Variants in CDH13 observed in about 807,000 individuals in gnomAD.
CDH13 encodes cadherin 13.
In CDH13, 24 loss-of-function variants were observed where a neutral mutation model predicts 63.8. That is an observed-to-expected ratio of 0.38 (90% CI 0.27 to 0.53). The LOEUF (loss-of-function observed/expected upper bound fraction) is 0.53, where lower values mean the gene tolerates loss of function less well. Among genes scored for constraint, CDH13 ranks in the 20% least tolerant of loss-of-function variants. The probability of loss-of-function intolerance (pLI) is 0.85; values close to 1 mark genes in which losing one functional copy is unlikely to be tolerated. For missense variants in CDH13, 1,049 were observed against 903.1 expected, an observed-to-expected ratio of 1.16 and a Z score of -2.07; for synonymous variants, 503 against 355.3, an observed-to-expected ratio of 1.42 and a Z score of -4.67.
intron 13 of CDH13, among the ~76,000 whole-genome samples, chr16:83,791,353 G>A (rs987666484): frequency 2.6e-5 from 4 of 151,832 alleles, no homozygotes; most frequent in African/African-American, 9.7e-5. Context: ...AAAATTACCT[G>A]GGCACGGTGG....
rs184936323 is a variant in CDH13, at chr16:83,608,697, G to A, written c.1101+6103G>A. Among the ~76,000 whole-genome samples the A allele has an allele frequency of 1.8e-3, 259 of 147,698 alleles. 1 individual carries two copies. Among genetic ancestry groups the A allele is most frequent in the Admixed American group, 2.8e-3 (42 of 14,768 alleles). ...TTTTTTTTGGTATTTTTGTAGAGGC[G>A]AGGTTCTGCCATGTTCCTCGGGCTG... is the stretch of plus-strand genomic sequence containing the variant. On this transcript the variant is annotated intron_variant, in intron 8 of 13. Transcript: ENST00000567109.
intron 7 of CDH13, among the ~76,000 whole-genome samples, chr16:83,493,579 T>G (rs2074069391): frequency 6.6e-6 from 1 of 151,556 alleles, no homozygotes; most frequent in Admixed American, 6.6e-5. Context: ...GGGAAAGGAG[T>G]GGCATGGACA....
At chr16:82,636,231 T>G (rs888213446) in intron 1 of CDH13, among the ~76,000 whole-genome samples, 84 of 150,832 alleles carry the variant, frequency 5.6e-4, no homozygotes, top group African/African-American at 2.0e-3. Context: ...GCAGGAAGAG[T>G]CAAACAAGGA....
At chr16:82,994,728 G>A (rs2057261549) in intron 2 of CDH13, among the ~76,000 whole-genome samples, 1 of 152,124 alleles carries the variant, frequency 6.6e-6, no homozygotes, top group South Asian at 2.1e-4. Context: ...TAGTATTCAA[G>A]CCCCAAACAA....
chr16:83,604,737 T>C (rs1908168664), intron 8 of CDH13, among the ~76,000 whole-genome samples: 1 of 152,204 alleles, frequency 6.6e-6, no homozygotes, highest in African/African-American at 2.4e-5. Flanking sequence ...CACATTGTAA[T>C]ATTCAATATA....
chr16:82,980,132 G>A (rs982381035), intron 2 of CDH13, among the ~76,000 whole-genome samples: 2 of 152,176 alleles, frequency 1.3e-5, no homozygotes, highest in African/African-American at 2.4e-5. Flanking sequence ...GGAGAGGAGG[G>A]AGCCCTCTCT....
At chr16:82,789,866 C>G (rs1308506918) in intron 1 of CDH13, among the ~76,000 whole-genome samples, 1 of 152,144 alleles carries the variant, frequency 6.6e-6, no homozygotes, top group African/African-American at 2.4e-5. Context: ...CATCTCCTCA[C>G]TGGACAGGCA....
intron 7 of CDH13, among the ~76,000 whole-genome samples, chr16:83,530,946 T>C (rs776806114): frequency 2.6e-5 from 4 of 152,198 alleles, no homozygotes; most frequent in Non-Finnish European, 4.4e-5. Flanking sequence ...TGTTTTAGCT[T>C]TGTGACTTTC....
chr16:83,236,237 GCACACACA>G (rs3049880), intron 5 of CDH13, among the ~76,000 whole-genome samples: 2 of 149,006 alleles, frequency 1.3e-5, no homozygotes, highest in Middle Eastern at 3.5e-3. Context: ...ACACGCACAT[GCACACACA>G]CACACACACA....
chr16:83,442,575 T>C (rs2072510674), intron 6 of CDH13, among the ~76,000 whole-genome samples: 1 of 152,150 alleles, frequency 6.6e-6, no homozygotes, highest in South Asian at 2.1e-4. Flanking sequence ...TTTTTCTTTA[T>C]AGATTTATAG....
At chr16:82,799,765 T>C (rs1401291861) in intron 1 of CDH13, among the ~76,000 whole-genome samples, 1 of 152,170 alleles carries the variant, frequency 6.6e-6, no homozygotes, top group Non-Finnish European at 1.5e-5. Context: ...GTGCCAACAA[T>C]GTGGCTATGG....
At chr16:83,330,422 C>T (rs76039044) in intron 5 of CDH13, among the ~76,000 whole-genome samples, 2,047 of 152,242 alleles carry the variant, frequency 0.013, 18 homozygotes, top group Middle Eastern at 0.034. Context: ...GAAAGGTTGC[C>T]CTTGAGGTTA....
chr16:83,214,676 G>T (rs1302325775), intron 4 of CDH13, among the ~76,000 whole-genome samples: 1 of 148,504 alleles, frequency 6.7e-6, no homozygotes, highest in Non-Finnish European at 1.5e-5. Context: ...TAATTTTATT[G>T]TGATGATTAA....
At chr16:82,852,660 A>G (rs1485219332) in intron 1 of CDH13, among the ~76,000 whole-genome samples, 1 of 152,194 alleles carries the variant, frequency 6.6e-6, no homozygotes, top group African/African-American at 2.4e-5. Flanking sequence ...GGTATTTGCA[A>G]AATCTAAAGC....
At chr16:83,568,069 C>T (rs946401661) in intron 7 of CDH13, among the ~76,000 whole-genome samples, 6 of 152,220 alleles carry the variant, frequency 3.9e-5, no homozygotes, top group East Asian at 3.9e-4. Context: ...ACCAACTGTC[C>T]GGTTAGCAGA....
At chr16:83,560,908 C>G (rs1044472656) in intron 7 of CDH13, among the ~76,000 whole-genome samples, 48 of 151,962 alleles carry the variant, frequency 3.2e-4, no homozygotes, top group African/African-American at 1.1e-3. Context: ...GGCCCCCCCC[C>G]CGCCCCAGGG....
At chr16:83,734,198 A>C (rs1351633995) in intron 10 of CDH13, among the ~76,000 whole-genome samples, 3 of 152,198 alleles carry the variant, frequency 2.0e-5, no homozygotes, top group African/African-American at 7.2e-5. Context: ...GTGTGACTCA[A>C]AACTGAAAAA....
chr16:83,533,215 G>A (rs116203656), intron 7 of CDH13, among the ~76,000 whole-genome samples: 1,647 of 152,252 alleles, frequency 0.011, 33 homozygotes, highest in African/African-American at 0.038. Flanking sequence ...GGTAAACATA[G>A]GTAAACTTCC....
rs1338548063 is a variant in CDH13, at chr16:82,963,888, A to C, written c.158-68122A>C. Among the ~76,000 whole-genome samples, 6 of 152,316 alleles carry C rather than the reference A, an allele frequency of 3.9e-5. No homozygotes were observed. The East Asian group carries it at 1.2e-3, about 29-fold the overall frequency. ...GCAATGGCAAGGGCACCGGAAAGCCAGGTCGGAGAATAGAGACCCCCAGCC... is the reference window on the plus strand; with the variant it reads ...GCAATGGCAAGGGCACCGGAAAGCCCGGTCGGAGAATAGAGACCCCCAGCC... On this transcript the variant is annotated intron_variant, in intron 2 of 13. Transcript: ENST00000567109.
Sources: gnomAD v4.1 joint callset for allele counts (sites outside exome capture counted in the v4.1 genomes callset) on GRCh38, gnomAD v4.1.1 for gene constraint, MANE v1.5 for transcripts, NCBI Gene and HGNC (gene_info 2026-07-23, HGNC 2026-07-21) for gene names.